The following CDK15 variants were observed in gnomAD, a reference collection of about 807,000 sequenced individuals.
The protein encoded by CDK15 is cyclin-dependent kinase 15.
CDK15 carries 62 observed loss-of-function variants against 60.3 expected under a neutral mutation model. That is an observed-to-expected ratio of 1.03 (90% CI 0.84 to 1.27). The LOEUF (loss-of-function observed/expected upper bound fraction) is 1.27. CDK15 is among the 50% of genes most tolerant of loss of function. The probability of loss-of-function intolerance (pLI) is 0.00; values close to 1 mark genes in which losing one functional copy is unlikely to be tolerated. For missense variants in CDK15, 541 were observed against 527.8 expected (o/e 1.03, Z -0.25); for synonymous variants, 194 against 195.7 (o/e 0.99, Z 0.07).
At chr2:201,869,286 A>G (rs1698762479) in intron 10 of CDK15, among the ~76,000 whole-genome samples, 1 of 151,256 alleles carries the variant, frequency 6.6e-6, no homozygotes. Context: ...AGGACAGAAA[A>G]CCAAACACCG....
Position 201,807,557 on chromosome 2 carries a change from G to T in CDK15, c.187G>T (p.Ala63Ser), listed in dbSNP as rs1005013404. 1.9e-6 allele frequency: 3 copies of T among 1,614,048 alleles called. No individual in the cohort carries two copies. The highest frequency in any genetic ancestry group is 2.5e-6 in the Non-Finnish European group (3 of 1,180,028). ...TSFHPRGLQA[A>S]RAQKFKSKRP... Reference sequence around the variant, plus strand: ...ATTTCACCCCAGGGGACTTCAAGCTGCCCGTGCCCAGAAGTTCAAGAGTAA... The same window carrying T: ...ATTTCACCCCAGGGGACTTCAAGCTTCCCGTGCCCAGAAGTTCAAGAGTAA... The change falls in exon 2 of 14, where the codon GCC becomes TCC. Residue 63 changes from alanine (A) to serine (S), a missense_variant. Transcript: ENST00000652192.
chr2:201,885,149 A>C (rs1208525601), intron 12 of CDK15, among the ~76,000 whole-genome samples: 1 of 152,234 alleles, frequency 6.6e-6, no homozygotes, highest in African/African-American at 2.4e-5. Context: ...CTTAACTCAT[A>C]TACCATTGTA....
intron 10 of CDK15, chr2:201,861,570 T>A: frequency 1.0e-6 from 1 of 955,294 alleles, no homozygotes; most frequent in Non-Finnish European, 1.2e-6. Context: ...TTTTTCTTTT[T>A]TTTTTTTTTT....
rs1453313388 is a variant in CDK15 at position 201,847,359 on chromosome 2, T to C, written c.852-22T>C. 6.9e-6 allele frequency: 11 copies of C among 1,599,680 alleles called. No individual in the cohort carries two copies. The South Asian group carries it at 1.2e-4, about 18-fold the overall frequency. On this transcript the variant is annotated intron_variant, in intron 8 of 13. Coordinates refer to ENST00000652192, the MANE Select transcript of CDK15 (RefSeq NM_001366386.2). Reference sequence around the variant, plus strand: ...GTATGATTTCTTTCAAAGTGTCAATTTACTCTTATTTCATTTGCTAGGGGT... The same window carrying C: ...GTATGATTTCTTTCAAAGTGTCAATCTACTCTTATTTCATTTGCTAGGGGT...
intron 13 of CDK15, among the ~76,000 whole-genome samples, chr2:201,891,200 C>G (rs1239785294): frequency 1.3e-5 from 2 of 152,316 alleles, no homozygotes; most frequent in African/African-American, 4.8e-5. Flanking sequence ...GGTGTGAGAT[C>G]TTCAGCTGAC....
Position 201,882,487 on chromosome 2 carries a change from C to T in CDK15, c.1198+2320C>T, listed in dbSNP as rs1699313158. Reference sequence around the variant, plus strand: ...CTTTCAAATTCTCCTGGCTTCCTCCCAATTAAATGAGGTTTGTCAAAGCCA... The same window carrying T: ...CTTTCAAATTCTCCTGGCTTCCTCCTAATTAAATGAGGTTTGTCAAAGCCA... On this transcript the variant is annotated intron_variant, in intron 12 of 13. Coordinates refer to ENST00000652192, the MANE Select transcript of CDK15 (RefSeq NM_001366386.2). This position sits in a 1 kb window ranked among gnomAD's most constrained non-coding sequence, Gnocchi z 4.0. Among the ~76,000 whole-genome samples the T allele has an allele frequency of 6.6e-6, 1 of 152,074 alleles. No homozygotes were observed. Among genetic ancestry groups the T allele is most frequent in the African/African-American group, 2.4e-5 (1 of 41,404 alleles).
intron 6 of CDK15, among the ~76,000 whole-genome samples, chr2:201,830,343 T>G (rs1356703184): frequency 6.6e-6 from 1 of 151,880 alleles, no homozygotes; most frequent in Non-Finnish European, 1.5e-5. Flanking sequence ...AAGAAGAGAG[T>G]GCCTCAGGAA....
At chr2:201,850,607 A>G (rs1315828007) in intron 9 of CDK15, among the ~76,000 whole-genome samples, 1 of 152,208 alleles carries the variant, frequency 6.6e-6, no homozygotes, top group African/African-American at 2.4e-5. Context: ...TTCAATGAAC[A>G]TGGGACTGTA....
chr2:201,867,980 G>A (rs1296610868), intron 10 of CDK15, among the ~76,000 whole-genome samples: 1 of 152,162 alleles, frequency 6.6e-6, no homozygotes, highest in Non-Finnish European at 1.5e-5. Flanking sequence ...CTCGTAAGTG[G>A]CAAAAAGGAG....
chr2:201,860,251 A>G (rs565612992), intron 10 of CDK15, among the ~76,000 whole-genome samples: 14 of 152,354 alleles, frequency 9.2e-5, no homozygotes, highest in African/African-American at 2.4e-4. Flanking sequence ...TTGAGGCACC[A>G]GAAGACTTTA....
At chr2:201,836,931 C>T (rs1697120401) in intron 8 of CDK15, among the ~76,000 whole-genome samples, 1 of 151,910 alleles carries the variant, frequency 6.6e-6, no homozygotes, top group Non-Finnish European at 1.5e-5. Flanking sequence ...CTATGTTTCT[C>T]CATTTTTAAA....
At position 201,890,938 on chromosome 2, in the gene CDK15, G is replaced by T. The variant is rs1281452433; in HGVS notation, c.*33+11G>T. The T allele has an allele frequency of 1.4e-6, 2 of 1,425,172 alleles. No homozygotes were observed. Among genetic ancestry groups the T allele is most frequent in the African/African-American group, 2.8e-5 (2 of 70,826 alleles). 88.3% of individuals were successfully genotyped at this position (1,425,172 alleles called of 1,614,324 possible). A position where few individuals can be genotyped will look rare whatever the true frequency, so the allele number is the denominator to read the frequency against. The stretch of plus-strand genomic sequence containing the variant: ...CCAAGGTTCTTCCAGGTAAGTGGTT[G>T]CAACAGTGAGGTTCCTTATGGAACA... On this transcript the variant is annotated intron_variant, in intron 13 of 13. Transcript: ENST00000652192.
chr2:201,862,506 T>C (rs780076970), intron 10 of CDK15, among the ~76,000 whole-genome samples: 4 of 152,218 alleles, frequency 2.6e-5, no homozygotes, highest in Non-Finnish European at 5.9e-5. Context: ...TCTAAATAAT[T>C]CTTATTGTCT....
chr2:201,877,778 G>GAAATTTGC (rs1699134296), intron 11 of CDK15, among the ~76,000 whole-genome samples: 1 of 152,166 alleles, frequency 6.6e-6, no homozygotes, highest in East Asian at 1.9e-4. Flanking sequence ...CAAGGATTTG[G>GAAATTTGC]AAATTTGCAA....
chr2:201,824,980 T>A, intron 6 of CDK15: 1 of 192,588 alleles, frequency 5.2e-6, no homozygotes, highest in Non-Finnish European at 9.9e-6. Flanking sequence ...AAATTTATCT[T>A]AAGATACTGT....
chr2:201,840,793 C>G (rs1047423070), intron 8 of CDK15, among the ~76,000 whole-genome samples: 1 of 152,144 alleles, frequency 6.6e-6, no homozygotes, highest in Non-Finnish European at 1.5e-5. Flanking sequence ...CTCATTTTCT[C>G]TGGATGTTTT....
At chr2:201,879,481 G>A (rs1348519949) in intron 11 of CDK15, among the ~76,000 whole-genome samples, 1 of 152,208 alleles carries the variant, frequency 6.6e-6, no homozygotes, top group Non-Finnish European at 1.5e-5. Flanking sequence ...CCAGGTGCAA[G>A]TGATTGTCAT....
At chr2:201,817,832 A>G (rs948463248) in intron 4 of CDK15, among the ~76,000 whole-genome samples, 14 of 152,246 alleles carry the variant, frequency 9.2e-5, no homozygotes, top group African/African-American at 3.4e-4. Flanking sequence ...TGCCAGGATA[A>G]TGGTATGTGA....
intron 8 of CDK15, among the ~76,000 whole-genome samples, chr2:201,844,415 A>G (rs896835152): frequency 6.6e-6 from 1 of 152,180 alleles, no homozygotes; most frequent in Admixed American, 6.5e-5. Context: ...AGCATTTGAC[A>G]GTTTTCCATC....
Sources: gnomAD v4.1 joint callset for allele counts (sites outside exome capture counted in the v4.1 genomes callset) on GRCh38, gnomAD v4.1.1 for gene constraint, Gnocchi (gnomAD v3.1) non-coding constraint, MANE v1.5 for transcripts, NCBI Gene and HGNC (gene_info 2026-07-23, HGNC 2026-07-21) for gene names.